The following LRRC4C variants were observed in gnomAD, a reference collection of about 807,000 sequenced individuals.
LRRC4C encodes leucine rich repeat containing 4C, also known as leucine-rich repeat-containing protein 4C.
In LRRC4C, 5 loss-of-function variants were observed where a neutral mutation model predicts 33.6. The ratio of observed to expected loss-of-function variants is 0.15; its 90% CI spans 0.08 to 0.31. LRRC4C has a LOEUF of 0.31. LRRC4C is among the 10% of genes least tolerant of loss of function. LRRC4C has a pLI of 1.00. For missense variants in LRRC4C, 560 were observed against 796.7 expected (o/e 0.70, Z 3.58); for synonymous variants, 329 against 302.0 (o/e 1.09, Z -0.93).
intron 2 of LRRC4C, among the ~76,000 whole-genome samples, chr11:40,691,866 C>A (rs1174553699): frequency 6.6e-6 from 1 of 152,066 alleles, no homozygotes; most frequent in Non-Finnish European, 1.5e-5. Flanking sequence ...GAGAACTGTG[C>A]ACCTTGAATA....
chr11:41,011,800 A>T (rs1221273336), intron 1 of LRRC4C, among the ~76,000 whole-genome samples: 1 of 1,576 alleles, frequency 6.3e-4, no homozygotes, highest in Non-Finnish European at 4.8e-3. Flanking sequence ...ACTTAAAATT[A>T]AAAAAAAAAT....
intron 2 of LRRC4C, among the ~76,000 whole-genome samples, chr11:40,857,842 G>A (rs948296648): frequency 1.3e-5 from 2 of 151,992 alleles, no homozygotes; most frequent in African/African-American, 2.4e-5. Context: ...TTGAGCCCAG[G>A]AGGTCGAGGC....
At chr11:40,355,953 T>TATAGTATAGTATA (rs1947640928) in intron 3 of LRRC4C, among the ~76,000 whole-genome samples, 4 of 121,488 alleles carry the variant, frequency 3.3e-5, no homozygotes, top group African/African-American at 5.7e-5. Flanking sequence ...AGTATAGTAT[T>TATAGTATAGTATA]GTATAGTATA....
rs998112539 is a variant in LRRC4C at position 40,419,339 on chromosome 11, A to T, written c.-269-99618T>A. 1.4e-4 allele frequency among the ~76,000 whole-genome samples: 22 copies of T among 152,318 alleles called. No individual in the cohort carries two copies. In the East Asian group the frequency reaches 4.3e-3, roughly 29 times the overall value. On this transcript the variant is annotated intron_variant, in intron 3 of 6. Transcript: ENST00000528697. ...TTGGTGAAAGATATACTCAACAAAA[A>T]CTATGCTTAGACAATCATAATCAAA...
At chr11:40,197,172 G>C (rs979645931) in intron 5 of LRRC4C, among the ~76,000 whole-genome samples, 1 of 152,104 alleles carries the variant, frequency 6.6e-6, no homozygotes. Context: ...AAAAATTAAC[G>C]TTGTGTATGC....
intron 1 of LRRC4C, among the ~76,000 whole-genome samples, chr11:40,987,444 C>A (rs917564729): frequency 3.3e-5 from 5 of 151,790 alleles, no homozygotes; most frequent in African/African-American, 1.2e-4. Flanking sequence ...CATGGGAATT[C>A]TTGCTCTGCC....
intron 3 of LRRC4C, among the ~76,000 whole-genome samples, chr11:40,541,977 C>A (rs2135390366): frequency 6.6e-6 from 1 of 152,128 alleles, no homozygotes; most frequent in South Asian, 2.1e-4. Context: ...TCTGCTAGAC[C>A]CAAAGAATTA....
chr11:41,089,919 C>T (rs1399848455), intron 1 of LRRC4C, among the ~76,000 whole-genome samples: 2 of 151,572 alleles, frequency 1.3e-5, no homozygotes, highest in Non-Finnish European at 2.9e-5. Context: ...TAGAAGTGAT[C>T]ACTGGGAATT....
intron 2 of LRRC4C, among the ~76,000 whole-genome samples, chr11:40,651,363 G>GGA (rs200687714): frequency 1.3e-4 from 19 of 151,624 alleles, no homozygotes; most frequent in East Asian, 5.8e-4. Flanking sequence ...GTGGGGGAGA[G>GGA]GAGAGAGAGA....
intron 3 of LRRC4C, among the ~76,000 whole-genome samples, chr11:40,616,673 C>G (rs1961869920): frequency 6.6e-6 from 1 of 151,752 alleles, no homozygotes; most frequent in African/African-American, 2.4e-5. Flanking sequence ...AAAAACCAAA[C>G]ACTGCATGTT....
intron 3 of LRRC4C, among the ~76,000 whole-genome samples, chr11:40,600,395 A>G (rs1180978093): frequency 6.6e-6 from 1 of 152,216 alleles, no homozygotes; most frequent in Admixed American, 6.5e-5. Context: ...TATACTTTGA[A>G]CTCAAAAGCA....
intron 2 of LRRC4C, among the ~76,000 whole-genome samples, chr11:40,923,785 T>A (rs538113631): frequency 6.6e-6 from 1 of 152,198 alleles, no homozygotes; most frequent in East Asian, 1.9e-4. Flanking sequence ...GTGAGAAAAT[T>A]GTTATAGGAG....
chr11:40,881,890 G>A (rs1046791201), intron 2 of LRRC4C, among the ~76,000 whole-genome samples: 8 of 151,978 alleles, frequency 5.3e-5, no homozygotes, highest in African/African-American at 1.4e-4. Context: ...CATGAGCAAG[G>A]CAGGTACTCT....
intron 1 of LRRC4C, among the ~76,000 whole-genome samples, chr11:41,303,420 G>C (rs1007684420): frequency 1.5e-5 from 2 of 130,044 alleles, no homozygotes; most frequent in African/African-American, 2.8e-5. Context: ...GTGCAGGGGC[G>C]TGATCTCGGC....
At chr11:41,273,386 T>C (rs1949379354) in intron 1 of LRRC4C, among the ~76,000 whole-genome samples, 1 of 152,110 alleles carries the variant, frequency 6.6e-6, no homozygotes, top group Admixed American at 6.6e-5. Flanking sequence ...ATAAAATATG[T>C]GGATACAATG....
chr11:40,351,422 C>G (rs1947378997), intron 3 of LRRC4C: 1 of 151,970 alleles, frequency 6.6e-6, no homozygotes, highest in Non-Finnish European at 1.5e-5. Flanking sequence ...TCCTTTAGGT[C>G]TATAGTGCAG....
chr11:40,960,603 C>A (rs1391166731), intron 1 of LRRC4C, among the ~76,000 whole-genome samples: 2 of 151,778 alleles, frequency 1.3e-5, no homozygotes, highest in East Asian at 3.9e-4. Context: ...ATACTTCTGG[C>A]AAATATGCCT....
At chr11:41,029,069 A>G (rs1856560264) in intron 1 of LRRC4C, among the ~76,000 whole-genome samples, 1 of 151,788 alleles carries the variant, frequency 6.6e-6, no homozygotes, top group Admixed American at 6.6e-5. Context: ...GTTTTATCCA[A>G]AAGAGATTTT....
chr11:40,606,196 A>G (rs1000848870), intron 3 of LRRC4C, among the ~76,000 whole-genome samples: 3 of 152,176 alleles, frequency 2.0e-5, no homozygotes, highest in African/African-American at 7.2e-5. Flanking sequence ...CAAATTCTAG[A>G]AGCCTAGGAG....
Sources: allele counts gnomAD v4.1 joint callset (sites outside exome capture counted in the v4.1 genomes callset), GRCh38; gene constraint gnomAD v4.1.1; transcripts MANE v1.5; gene names NCBI Gene and HGNC (gene_info 2026-07-23, HGNC 2026-07-21).